Variants in CACNA1H observed in about 807,000 individuals in gnomAD.
The protein encoded by CACNA1H is voltage-dependent T-type calcium channel subunit alpha-1H.
Under a neutral mutation model 192.5 loss-of-function variants are expected in CACNA1H, and 149 were observed. The ratio of observed to expected loss-of-function variants is 0.77; its 90% CI spans 0.68 to 0.89. The LOEUF (loss-of-function observed/expected upper bound fraction) is 0.89. Ranked by LOEUF, CACNA1H falls within the 40% of genes least tolerant of loss-of-function variation. CACNA1H has a pLI of 0.00. For missense variants in CACNA1H, 4,257 were observed against 3,423.5 expected (o/e 1.24, Z -6.08); for synonymous variants, 2,202 against 1,475.2 (o/e 1.49, Z -11.29).
At chr16:1,162,807 G>A (rs1447732022) in intron 2 of CACNA1H, among the ~76,000 whole-genome samples, 1 of 152,224 alleles carries the variant, frequency 6.6e-6, no homozygotes, top group African/African-American at 2.4e-5. Flanking sequence ...CCAGGGCTGT[G>A]GCGTGAAGGC....
intron 2 of CACNA1H, among the ~76,000 whole-genome samples, chr16:1,178,210 C>T (rs1338957846): frequency 1.4e-5 from 2 of 140,756 alleles, no homozygotes; most frequent in Admixed American, 7.0e-5. Flanking sequence ...TGGTCCCTCC[C>T]GGCTCTGCCT....
chr16:1,170,446 CAG>C (rs1462373916), intron 2 of CACNA1H, among the ~76,000 whole-genome samples: 1 of 152,038 alleles, frequency 6.6e-6, no homozygotes, highest in East Asian at 1.9e-4. Context: ...GGGAGAGAGA[CAG>C]AGGCAGGGGA....
chr16:1,188,983 G>C (rs903432242), intron 2 of CACNA1H, among the ~76,000 whole-genome samples: 3 of 151,808 alleles, frequency 2.0e-5, no homozygotes, highest in Non-Finnish European at 4.4e-5. Context: ...CCCTTGGAGG[G>C]CCCCCCCAGG....
At chr16:1,206,920 A>AC in intron 12 of CACNA1H, 81 bp from the exon 13 acceptor site, 1 of 48,172 alleles carries the variant, frequency 2.1e-5, no homozygotes, top group Non-Finnish European at 3.8e-5. Context: ...CCCTCCTCCC[A>AC]CCCCCCTCCC....
intron 12 of CACNA1H, chr16:1,206,533 C>G (rs774850031): frequency 5.5e-6 from 3 of 542,320 alleles, no homozygotes; most frequent in South Asian, 2.4e-5. Flanking sequence ...GGTGGACAAG[C>G]TGGGGATTTA....
intron 9 of CACNA1H, among the ~76,000 whole-genome samples, chr16:1,203,663 ACTCTCCTCGC>A (rs1968277850): frequency 6.6e-6 from 1 of 151,800 alleles, no homozygotes; most frequent in Middle Eastern, 3.4e-3. Flanking sequence ...CTAGGGGAGA[ACTCTCCTCGC>A]CTCTCCTAAG....
intron 2 of CACNA1H, among the ~76,000 whole-genome samples, chr16:1,170,273 T>C (rs1964232210): frequency 6.6e-6 from 1 of 152,140 alleles, no homozygotes. Context: ...GGCGGGCCCC[T>C]CCCCACGCCT....
At chr16:1,186,684 G>T (rs556269788) in intron 2 of CACNA1H, among the ~76,000 whole-genome samples, 86 of 152,138 alleles carry the variant, frequency 5.7e-4, no homozygotes, top group Non-Finnish European at 1.1e-3. Flanking sequence ...GACCTGGCTC[G>T]GTCCCGATGC....
intron 2 of CACNA1H, among the ~76,000 whole-genome samples, chr16:1,155,061 GCCTGTGT>G (rs1352091303): frequency 2.0e-5 from 3 of 152,252 alleles, no homozygotes; most frequent in Non-Finnish European, 4.4e-5. Context: ...AGCAGGAGCG[GCCTGTGT>G]ACACTTCCCT....
rs904871346 is a variant in CACNA1H at position 1,167,577 on chromosome 16, C to G, written c.299+13541C>G. ...AGGAAGGCTGGAGCCACACTCCTCA[C>G]CGCGGCGGTGCCACTAATGGGGTTG... On this transcript the variant is annotated intron_variant, in intron 2 of 34. Coordinates refer to ENST00000348261, the MANE Select transcript of CACNA1H (RefSeq NM_021098.3). This position sits in a 1 kb window ranked among gnomAD's most constrained non-coding sequence, Gnocchi z 4.2. Among the ~76,000 whole-genome samples, 1 of 152,238 alleles carries G rather than the reference C, an allele frequency of 6.6e-6. No individual in the cohort carries two copies. Among genetic ancestry groups the G allele is most frequent in the Non-Finnish European group, 1.5e-5 (1 of 68,040 alleles).
rs1361482518 is a variant in CACNA1H at position 1,167,830 on chromosome 16, G to T, written c.299+13794G>T. ...GTGTGCTTAGAAAGTGCACCTGCGA[G>T]GTTGGGGCGTGGCCTGGCCGTCCGT... On this transcript the variant is annotated intron_variant, in intron 2 of 34. Coordinates refer to ENST00000348261, the MANE Select transcript of CACNA1H (RefSeq NM_021098.3). The surrounding 1 kb of genome is among the most constrained non-coding windows in gnomAD (Gnocchi z 4.2). Among the ~76,000 whole-genome samples the T allele has an allele frequency of 6.6e-6, 1 of 152,232 alleles. No individual in the cohort carries two copies. Among genetic ancestry groups the T allele is most frequent in the Non-Finnish European group, 1.5e-5 (1 of 68,034 alleles).
chr16:1,161,678 C>G (rs1040548517), intron 2 of CACNA1H, among the ~76,000 whole-genome samples: 5 of 152,190 alleles, frequency 3.3e-5, no homozygotes, highest in Non-Finnish European at 7.3e-5. Context: ...AGGCTCCCAG[C>G]AGGCGGGTGA....
intron 2 of CACNA1H, among the ~76,000 whole-genome samples, chr16:1,156,170 C>T (rs1425762157): frequency 1.3e-5 from 2 of 152,216 alleles, no homozygotes; most frequent in African/African-American, 4.8e-5. Flanking sequence ...CCGCCAGCAC[C>T]TCTGGCACGC....
In CACNA1H at chr16:1,204,170, C is replaced by A. The variant is rs1314951455; in HGVS notation, c.2163C>A (p.Asp721Glu). The change falls in exon 10 of 35, where the codon GAC (aspartate) becomes GAA (glutamate). Residue 721 changes from aspartate (D) to glutamate (E), a missense_variant. Asp to Glu is a conservative substitution (Grantham distance 45). Coordinates refer to ENST00000348261, the MANE Select transcript of CACNA1H (RefSeq NM_021098.3). Reference sequence around the variant, plus strand: ...AGCTCAGCGGCTCGGAAAGTGGAGACTCAGATGGCCGTGGCGTCTATGAAT... The same window carrying A: ...AGCTCAGCGGCTCGGAAAGTGGAGAATCAGATGGCCGTGGCGTCTATGAAT... ...EGELSGSESG[D>E]SDGRGVYEFT... 5 of 1,612,244 alleles carry A rather than the reference C, an allele frequency of 3.1e-6. No individual in the cohort carries two copies. The highest frequency in any genetic ancestry group is 4.2e-6 in the Non-Finnish European group (5 of 1,179,742).
At chr16:1,207,199 T>C in intron 13 of CACNA1H, 76 bp from the exon 14 acceptor site, 1 of 1,551,520 alleles carries the variant, frequency 6.4e-7, no homozygotes, top group South Asian at 1.2e-5. Context: ...TGCGCATCCA[T>C]AGCTGCCTCT....
rs746239686 is a variant in CACNA1H at position 1,218,022 on chromosome 16, C to T, written c.5427C>T (p.Asn1809=). ...LTLFRVSTGD[N]WNGIMKDTLR... ...TGTTCCGCGTGTCCACGGGGGACAA[C>T]TGGAACGGGATCATGAAGGTACCCG... The change falls in exon 32 of 35, where the codon AAC becomes AAT. Residue 1809 remains asparagine (N), a synonymous_variant. Coordinates refer to ENST00000348261, the MANE Select transcript of CACNA1H (RefSeq NM_021098.3). 12 of 1,600,738 alleles carry T rather than the reference C, an allele frequency of 7.5e-6. No individual in the cohort carries two copies. In the African/African-American group the frequency reaches 8.0e-5, roughly 11 times the overall value.
intron 2 of CACNA1H, among the ~76,000 whole-genome samples, chr16:1,175,325 G>C (rs1441440049): frequency 6.6e-6 from 1 of 152,188 alleles, no homozygotes; most frequent in Non-Finnish European, 1.5e-5. Flanking sequence ...GGAGCCCCGG[G>C]AGGGCCACTC....
At chr16:1,185,737 CG>C (rs1399321513) in intron 2 of CACNA1H, among the ~76,000 whole-genome samples, 3 of 316 alleles carry the variant, frequency 9.5e-3, no homozygotes, top group Non-Finnish European at 0.027. Context: ...GGGGTGTGTA[CG>C]TGGGCAGGTG....
chr16:1,220,650 G>C lies in CACNA1H; in HGVS notation c.6718G>C (p.Ala2240Pro). 1 of 1,604,202 alleles carries C rather than the reference G, an allele frequency of 6.2e-7. No individual in the cohort carries two copies. Among genetic ancestry groups the C allele is most frequent in the Non-Finnish European group, 8.5e-7 (1 of 1,175,740 alleles). The change falls in exon 35 of 35, where the codon GCC (alanine) becomes CCC (proline). Residue 2240 changes from alanine (A) to proline (P), a missense_variant. Coordinates refer to ENST00000348261, the MANE Select transcript of CACNA1H (RefSeq NM_021098.3). ...DSLEPTEGSG[A>P]GGDPAAKGER... ...CCTGGAGCCCACAGAGGGCTCAGGC[G>C]CCGGGGGGGACCCTGCAGCCAAGGG... is the stretch of plus-strand genomic sequence containing the variant.
Sources: allele counts gnomAD v4.1 joint callset (sites outside exome capture counted in the v4.1 genomes callset), GRCh38; gene constraint gnomAD v4.1.1; non-coding constraint Gnocchi (gnomAD v3.1); transcripts MANE v1.5; gene names NCBI Gene and HGNC (gene_info 2026-07-23, HGNC 2026-07-21).